The following ACACA variants were observed in gnomAD, a reference collection of about 807,000 sequenced individuals.
ACACA encodes acetyl-CoA carboxylase alpha, also known as acetyl-CoA carboxylase 1.
ACACA carries 103 observed loss-of-function variants against 296.1 expected under a neutral mutation model. The observed-to-expected ratio is 0.35, with a 90% CI of 0.30 to 0.41. The LOEUF (loss-of-function observed/expected upper bound fraction) is 0.41. Among genes scored for constraint, ACACA ranks in the 10% least tolerant of loss-of-function variants. The probability of loss-of-function intolerance (pLI) is 1.00; values close to 1 mark genes in which losing one functional copy is unlikely to be tolerated. For synonymous variants in ACACA, 953 were observed against 1,038.6 expected (o/e 0.92, Z 1.58); for missense variants, 1,554 against 2,989.7 (o/e 0.52, Z 11.20).
At chr17:37,281,391 A>G (rs2082525211) in intron 5 of ACACA, among the ~76,000 whole-genome samples, 1 of 152,006 alleles carries the variant, frequency 6.6e-6, no homozygotes, top group African/African-American at 2.4e-5. Context: ...TGCCCCCAAG[A>G]ATTAGATGTC....
chr17:37,174,490 T>C (rs959971407), intron 41 of ACACA, among the ~76,000 whole-genome samples: 7 of 152,102 alleles, frequency 4.6e-5, no homozygotes, highest in African/African-American at 7.2e-5. Flanking sequence ...AGTGGTAGTG[T>C]GTGTAGAGGT....
intron 41 of ACACA, among the ~76,000 whole-genome samples, chr17:37,178,593 G>C (rs993692496): frequency 6.6e-6 from 1 of 152,154 alleles, no homozygotes; most frequent in African/African-American, 2.4e-5. Context: ...CAGATTGCTT[G>C]AGCTCAGGAG....
At chr17:37,309,219 T>C (rs751045022) in intron 3 of ACACA, among the ~76,000 whole-genome samples, 7 of 152,000 alleles carry the variant, frequency 4.6e-5, no homozygotes, top group African/African-American at 7.2e-5. Context: ...AGAGTATAGG[T>C]CTCTCTATGT....
chr17:37,187,680 T>C (rs529691406), intron 39 of ACACA, among the ~76,000 whole-genome samples: 9 of 152,250 alleles, frequency 5.9e-5, no homozygotes, highest in Non-Finnish European at 1.2e-4. Flanking sequence ...GCCACTTTGC[T>C]CTTGTATAAT....
intron 55 of ACACA, 90 bp downstream of exon 55, chr17:37,088,848 T>C (rs1351948755): frequency 6.7e-7 from 1 of 1,499,504 alleles, no homozygotes; most frequent in Non-Finnish European, 9.3e-7. Flanking sequence ...TCATAAGATT[T>C]CTGCGATCAT....
intron 3 of ACACA, among the ~76,000 whole-genome samples, chr17:37,301,017 C>T (rs2083591756): frequency 6.6e-6 from 1 of 152,164 alleles, no homozygotes; most frequent in African/African-American, 2.4e-5. Flanking sequence ...ACTTAAGTGT[C>T]TACAAAACAA....
At chr17:37,286,865 C>G (rs1024417559) in intron 3 of ACACA, among the ~76,000 whole-genome samples, 2 of 152,216 alleles carry the variant, frequency 1.3e-5, no homozygotes, top group African/African-American at 4.8e-5. Context: ...TCTGGTAACA[C>G]TACCTCCCCT....
At position 37,269,046 on chromosome 17, in the gene ACACA, TAAAA is replaced by T. The variant is rs35990848; in HGVS notation, c.1119+1701_1119+1704del. Among the ~76,000 whole-genome samples, 20 of 121,202 alleles carry T rather than the reference TAAAA, an allele frequency of 1.7e-4. 1 individual carries two copies. In the East Asian group the frequency reaches 2.1e-3, roughly 13 times the overall value. The allele number at this position is 121,202 out of a possible 152,430, so 79.5% of individuals were successfully genotyped here. Reference sequence around the variant, plus strand: ...AAATTAGAATTCAATGAAAAAAATGTAAAAAAAAAAAAAAAAACCCAAGGTAATA... The same window carrying T: ...AAATTAGAATTCAATGAAAAAAATGTAAAAAAAAAAAAACCCAAGGTAATA... On this transcript the variant is annotated intron_variant, in intron 10 of 55. Coordinates refer to ENST00000616317, the MANE Select transcript of ACACA (RefSeq NM_198834.3).
intron 3 of ACACA, chr17:37,289,396 A>G: frequency 7.9e-7 from 1 of 1,266,800 alleles, no homozygotes. Flanking sequence ...CACAGAGAAT[A>G]AGGCTAAGGA....
At chr17:37,261,814 C>T (rs1355438841) in intron 11 of ACACA, among the ~76,000 whole-genome samples, 2 of 152,104 alleles carry the variant, frequency 1.3e-5, no homozygotes, top group South Asian at 2.1e-4. Flanking sequence ...TATGGACCAA[C>T]GATTGCTATG....
At chr17:37,216,945 G>A (rs1309333018) in intron 29 of ACACA, among the ~76,000 whole-genome samples, 14 of 152,008 alleles carry the variant, frequency 9.2e-5, no homozygotes, top group Admixed American at 7.9e-4. Flanking sequence ...AACAAACTGC[G>A]TGACTGGGAA....
intron 1 of ACACA, among the ~76,000 whole-genome samples, chr17:37,346,888 G>A (rs1038577641): frequency 1.3e-5 from 2 of 152,100 alleles, no homozygotes; most frequent in Non-Finnish European, 2.9e-5. Flanking sequence ...ATAGGCAGAA[G>A]GGACTTGCCT....
intron 1 of ACACA, chr17:37,379,264 G>A (rs2050140224): frequency 6.2e-7 from 1 of 1,614,010 alleles, no homozygotes; most frequent in Non-Finnish European, 8.5e-7. Context: ...CAAAGGTCAA[G>A]CATATTTTGA....
intron 3 of ACACA, among the ~76,000 whole-genome samples, chr17:37,321,153 T>C (rs1219873120): frequency 1.3e-5 from 2 of 152,162 alleles, no homozygotes; most frequent in South Asian, 2.1e-4. Flanking sequence ...CTAAAGTTAA[T>C]GTGAAAAATA....
chr17:37,160,922 G>A (rs1403700125), intron 42 of ACACA, among the ~76,000 whole-genome samples: 1 of 152,142 alleles, frequency 6.6e-6, no homozygotes, highest in African/African-American at 2.4e-5. Flanking sequence ...AAGAGAGGAT[G>A]GAGGGGGTAG....
chr17:37,228,932 A>C (rs2079687531), intron 25 of ACACA, among the ~76,000 whole-genome samples: 1 of 152,124 alleles, frequency 6.6e-6, no homozygotes, highest in African/African-American at 2.4e-5. Context: ...TCACGAGGTC[A>C]GGAGATCGAG....
chr17:37,087,149 T>A lies in ACACA; in HGVS notation c.*167A>T. ...GGTGGGCTGGAGGGGGATTCTGTGA[T>A]CTTACATCCCAGGATGTCATGCATA... On this transcript the variant is annotated 3_prime_UTR_variant, in exon 56 of 56. Transcript: ENST00000616317. 3.3e-6 allele frequency: 3 copies of A among 914,870 alleles called. No individual in the cohort carries two copies. In the South Asian group the frequency reaches 4.6e-5, roughly 14 times the overall value. The allele number at this position is 914,870 out of a possible 1,614,324, so 56.7% of individuals were successfully genotyped here.
chr17:37,087,287 A>G lies in ACACA; in HGVS notation c.*29T>C. On this transcript the variant is annotated 3_prime_UTR_variant, in exon 56 of 56. Coordinates refer to ENST00000616317, the MANE Select transcript of ACACA (RefSeq NM_198834.3). ...GCAGCTCTAGCCCTTTTCTCCAGAG[A>G]CAGGGCAGGGACAGGCAGGAAGCTC... 1 of 1,613,854 alleles carries G rather than the reference A, an allele frequency of 6.2e-7. No individual in the cohort carries two copies. Among genetic ancestry groups the G allele is most frequent in the Non-Finnish European group, 8.5e-7 (1 of 1,180,004 alleles).
intron 41 of ACACA, among the ~76,000 whole-genome samples, chr17:37,173,896 C>T (rs2076967971): frequency 6.9e-6 from 1 of 144,454 alleles, no homozygotes; most frequent in Admixed American, 6.9e-5. Context: ...TCGCTGCATC[C>T]TCCACCTCCT....
Sources: allele counts gnomAD v4.1 joint callset (sites outside exome capture counted in the v4.1 genomes callset), GRCh38; gene constraint gnomAD v4.1.1; transcripts MANE v1.5; gene names NCBI Gene and HGNC (gene_info 2026-07-23, HGNC 2026-07-21).